The following TESPA1 variants were observed in gnomAD, a reference collection of about 807,000 sequenced individuals.
TESPA1 encodes the protein thymocyte expressed, positive selection associated 1, also known as protein TESPA1.
A neutral mutation model predicts 57.9 loss-of-function variants in TESPA1; 33 were observed. The ratio of observed to expected loss-of-function variants is 0.57; its 90% CI spans 0.43 to 0.76. TESPA1 has a LOEUF of 0.76. Among genes scored for constraint, TESPA1 ranks in the 30% least tolerant of loss-of-function variants. The probability of loss-of-function intolerance (pLI) is 0.00; values close to 1 mark genes in which losing one functional copy is unlikely to be tolerated. For missense variants in TESPA1, 618 were observed against 632.9 expected, an observed-to-expected ratio of 0.98 and a Z score of 0.25; for synonymous variants, 227 against 228.9, an observed-to-expected ratio of 0.99 and a Z score of 0.07.
intron 9 of TESPA1, 79 bp downstream of exon 9, chr12:54,962,352 G>T: frequency 6.8e-7 from 1 of 1,473,996 alleles, no homozygotes; most frequent in Non-Finnish European, 9.1e-7. Flanking sequence ...TTTCCCCCAA[G>T]GGTTCTAACC....
chr12:54,949,836 A>C lies in TESPA1; in HGVS notation c.*556T>G, dbSNP rs1950275070. 1.3e-5 allele frequency: 2 copies of C among 152,696 alleles called. No individual in the cohort carries two copies. The highest frequency in any genetic ancestry group is 2.9e-5 in the Non-Finnish European group (2 of 68,266). The allele number at this position is 152,696 out of a possible 1,614,324, so 9.5% of individuals were successfully genotyped here. ...GTCTCAAGAAGAAAAATAGGACTCC[A>C]GTGTTGTAGAAGATTTTCTGGAATT... On this transcript the variant is annotated 3_prime_UTR_variant, in exon 11 of 11. Transcript: ENST00000449076.
rs757630791 is a variant in TESPA1 at position 54,962,928 on chromosome 12, T to C, written c.970A>G (p.Lys324Glu). Residue 324 changes from lysine to glutamate, a missense_variant, in exon 9 of 11, where the codon AAA becomes GAA. Transcript: ENST00000449076. Reference sequence around the variant, plus strand: ...TGCTGGAGGAACTGCTTCTCTTCTTTCACTTTGTCCATCACTTCCAACACA... The same window carrying C: ...TGCTGGAGGAACTGCTTCTCTTCTTCCACTTTGTCCATCACTTCCAACACA... ...QVVLEVMDKV[K>E]EEKQFLQQDS... is the part of the protein sequence containing the mutation. The C allele has an allele frequency of 1.2e-6, 2 of 1,613,600 alleles. No individual in the cohort carries two copies. The highest frequency in any genetic ancestry group is 2.2e-5 in the South Asian group (2 of 91,080).
At chr12:54,959,116 T>C (rs925476974) in intron 10 of TESPA1, among the ~76,000 whole-genome samples, 4 of 151,956 alleles carry the variant, frequency 2.6e-5, no homozygotes, top group African/African-American at 7.3e-5. Flanking sequence ...AGTAATGTGG[T>C]GGTAAGGTTT....
intron 8 of TESPA1, 149 bp from the exon 9 acceptor site, chr12:54,963,391 T>C: frequency 1.2e-6 from 1 of 866,052 alleles, no homozygotes. Flanking sequence ...TTTCTAACAC[T>C]CTTTTTCTGG....
At chr12:54,969,389 T>A in intron 3 of TESPA1, among the ~76,000 whole-genome samples, 1 of 152,080 alleles carries the variant, frequency 6.6e-6, no homozygotes, top group East Asian at 1.9e-4. Context: ...ATATTGCAAT[T>A]TACTACTGTA....
intron 9 of TESPA1, among the ~76,000 whole-genome samples, 192 bp from the exon 10 acceptor site, chr12:54,961,459 A>T (rs1028809489): frequency 6.6e-5 from 10 of 152,228 alleles, no homozygotes; most frequent in African/African-American, 2.2e-4. Flanking sequence ...GAGAGGTGAC[A>T]TACATGCAAA....
At position 54,950,093 on chromosome 12, in the gene TESPA1, A is replaced by G. The variant is rs537823788; in HGVS notation, c.*299T>C. 4.4e-4 allele frequency: 136 copies of G among 310,252 alleles called. 1 individual carries two copies. In the Middle Eastern group the frequency reaches 4.7e-3, roughly 11 times the overall value. 19.2% of individuals were successfully genotyped at this position (310,252 alleles called of 1,614,324 possible). On this transcript the variant is annotated 3_prime_UTR_variant, in exon 11 of 11. Transcript: ENST00000449076. The stretch of plus-strand genomic sequence containing the variant: ...TGTTCAGTTTACTATCATCCACATT[A>G]TATATTTTAATACACACATAGTAGA...
At chr12:54,969,021 GTATATATATATATATATATATATA>G (rs56901356) in intron 3 of TESPA1, among the ~76,000 whole-genome samples, 4 of 83,660 alleles carry the variant, frequency 4.8e-5, no homozygotes, top group African/African-American at 9.1e-5. Flanking sequence ...ATTTATATAT[GTATATATATATATATATATATATA>G]TGTGTGTGTG....
At chr12:54,961,835 T>C (rs981601928) in intron 9 of TESPA1, among the ~76,000 whole-genome samples, 2 of 152,130 alleles carry the variant, frequency 1.3e-5, no homozygotes, top group African/African-American at 4.8e-5. Flanking sequence ...GACCAATGGC[T>C]CTTTGTGTAG....
chr12:54,973,169 C>G (rs1684736585), intron 3 of TESPA1, among the ~76,000 whole-genome samples: 3 of 152,192 alleles, frequency 2.0e-5, no homozygotes, highest in African/African-American at 7.2e-5. Flanking sequence ...AGGGGGAAGT[C>G]AGGGGAGTAG....
intron 10 of TESPA1, 78 bp downstream of exon 10, chr12:54,961,089 GT>G (rs2136088764): frequency 1.0e-5 from 15 of 1,500,114 alleles, no homozygotes; most frequent in East Asian, 2.5e-5. Context: ...TTTATTATGG[GT>G]TTAAAAAAAA....
At chr12:54,980,050 C>T (rs1952257007) in intron 1 of TESPA1, among the ~76,000 whole-genome samples, 1 of 152,096 alleles carries the variant, frequency 6.6e-6, no homozygotes, top group Non-Finnish European at 1.5e-5. Context: ...GATTTAAACT[C>T]AAGTTGGTCT....
At chr12:54,965,245 A>G (rs1282742208) in intron 7 of TESPA1, among the ~76,000 whole-genome samples, 1 of 152,154 alleles carries the variant, frequency 6.6e-6, no homozygotes, top group East Asian at 1.9e-4. Context: ...TTTGTTACAT[A>G]GGTAAACGTG....
Position 54,962,855 on chromosome 12 carries a change from G to T in TESPA1, c.1043C>A (p.Ala348Asp), listed in dbSNP as rs1314911514. 6.2e-7 allele frequency: 1 copy of T among 1,613,844 alleles called. No homozygotes were observed. Among genetic ancestry groups the T allele is most frequent in the Admixed American group, 1.7e-5 (1 of 60,006 alleles). ...AGAAGTGGGCAACTTCTTACCCTCA[G>T]CAGGGGGCACAGGATCTTCCTGTGA... ...QFSQEDPVPPAEGKKLPTSPY... is the reference protein window; with the variant it reads ...QFSQEDPVPPDEGKKLPTSPY... The change falls in exon 9 of 11, where the codon GCT becomes GAT. Residue 348 changes from alanine (A) to aspartate (D), a missense_variant. This residue lies in a region of TESPA1 where 409 missense variants were observed against 420.1 expected (regional missense o/e 0.97). Transcript: ENST00000449076.
chr12:54,955,682 A>T (rs572188551), intron 10 of TESPA1, among the ~76,000 whole-genome samples: 256 of 152,324 alleles, frequency 1.7e-3, no homozygotes, highest in Non-Finnish European at 2.0e-3. Flanking sequence ...TGTTTAGTGG[A>T]TGTTCTGTAA....
chr12:54,977,251 AT>A (rs1435128749), intron 1 of TESPA1, among the ~76,000 whole-genome samples: 2 of 152,130 alleles, frequency 1.3e-5, no homozygotes, highest in South Asian at 2.1e-4. Flanking sequence ...ATGAATACTC[AT>A]TGTCTAAACG....
rs567441299 is a variant in TESPA1 at position 54,974,674 on chromosome 12, GC to G, written c.-45-68del. On this transcript the variant is annotated intron_variant, in intron 1 of 10. Transcript: ENST00000449076. ...AGAAACCATCATGATGCTCAGGGTT[GC>G]CCCCTGAATTTTCCTGTGTCTGCCC... 6.8e-5 allele frequency: 84 copies of G among 1,233,846 alleles called. No individual in the cohort carries two copies. The African/African-American group carries it at 1.2e-3, about 17-fold the overall frequency. The allele number at this position is 1,233,846 out of a possible 1,614,324, so 76.4% of individuals were successfully genotyped here.
chr12:54,962,987 T>C lies in TESPA1; in HGVS notation c.911A>G (p.His304Arg). The C allele has an allele frequency of 6.2e-7, 1 of 1,613,392 alleles. No individual in the cohort carries two copies. Among genetic ancestry groups the C allele is most frequent in the Non-Finnish European group, 8.5e-7 (1 of 1,179,734 alleles). The change falls in exon 9 of 11, where the codon CAC (histidine) becomes CGC (arginine). Residue 304 changes from histidine to arginine, a missense_variant. Physicochemically the swap from His to Arg is conservative, Grantham distance 29 (BLOSUM62 0). Transcript: ENST00000449076. ...TCPRDRPPPPHNTPKRNSLDQ... is the reference protein window; with the variant it reads ...TCPRDRPPPPRNTPKRNSLDQ... ...CAAACTGTTCCTTTTGGGGGTGTTG[T>C]GGGGTGGTGGTGGCCGGTCTCGGGG... is the stretch of plus-strand genomic sequence containing the variant.
At chr12:54,953,349 G>A (rs1311185504) in intron 10 of TESPA1, among the ~76,000 whole-genome samples, 1 of 152,028 alleles carries the variant, frequency 6.6e-6, no homozygotes, top group Non-Finnish European at 1.5e-5. Context: ...ATAAGGTGTA[G>A]TTTCCATAAG....
Sources: gnomAD v4.1 joint callset for allele counts (sites outside exome capture counted in the v4.1 genomes callset) on GRCh38, gnomAD v4.1.1 for gene constraint, gnomAD v4.1.1 regional missense constraint, MANE v1.5 for transcripts, NCBI Gene and HGNC (gene_info 2026-07-23, HGNC 2026-07-21) for gene names.